The following MUC17 variants were observed in gnomAD, a reference collection of about 807,000 sequenced individuals.
MUC17 encodes the protein mucin-17.
In MUC17, 190 loss-of-function variants were observed where a neutral mutation model predicts 170.3. The observed-to-expected ratio is 1.12, with a 90% CI of 0.99 to 1.26. The LOEUF (loss-of-function observed/expected upper bound fraction) is 1.26. Ranked by LOEUF, MUC17 falls within the 50% of genes most tolerant of loss-of-function variation. The pLI is 0.00. For synonymous variants in MUC17, 2,325 were observed against 2,002.5 expected (o/e 1.16, Z -4.30); for missense variants, 6,415 against 5,530.0 (o/e 1.16, Z -5.08).
intron 4 of MUC17, among the ~76,000 whole-genome samples, chr7:101,048,525 G>A (rs964574187): frequency 6.6e-6 from 1 of 151,304 alleles, no homozygotes; most frequent in African/African-American, 2.4e-5. Context: ...GAGCCCAGGA[G>A]GTCAAGACTG....
At position 101,032,352 on chromosome 7, in the gene MUC17, C is replaced by G; in HGVS notation, c.936C>G (p.Ala312=). ...TTCCTGTGATCACTTCTACTGAAGC[C>G]AGTTCATCTCCTACAACGGCTGAAG... is the stretch of plus-strand genomic sequence containing the variant. ...TNIPVITSTE[A]SSSPTTAEGT... is the part of the protein sequence containing the mutation. The change falls in exon 3 of 13, where the codon GCC becomes GCG. Residue 312 remains alanine (A), a synonymous_variant. Coordinates refer to ENST00000306151, the MANE Select transcript of MUC17 (RefSeq NM_001040105.2). 1 of 1,613,152 alleles carries G rather than the reference C, an allele frequency of 6.2e-7. No individual in the cohort carries two copies. Among genetic ancestry groups the G allele is most frequent in the South Asian group, 1.1e-5 (1 of 91,022 alleles).
rs2116460471 is a variant in MUC17 at position 101,043,516 on chromosome 7, C to T, written c.12100C>T (p.Pro4034Ser). The change falls in exon 3 of 13, where the codon CCT (proline) becomes TCT (serine). Residue 4034 changes from proline to serine, a missense_variant. Pro to Ser is a moderately conservative substitution (Grantham distance 74). Coordinates refer to ENST00000306151, the MANE Select transcript of MUC17 (RefSeq NM_001040105.2). ...SASTLSATST[P>S]HTSTSVTTRP... ...ATCAACGCTTTCTGCAACCAGTACA[C>T]CTCACACCTCTACTTCTGTCACCAC... 1.2e-6 allele frequency: 2 copies of T among 1,614,220 alleles called. No individual in the cohort carries two copies. The highest frequency in any genetic ancestry group is 1.7e-6 in the Non-Finnish European group (2 of 1,180,040).
rs1263785572 is a variant in MUC17, at chr7:101,036,162, C to T, written c.4746C>T (p.Thr1582=). 1 of 1,613,614 alleles carries T rather than the reference C, an allele frequency of 6.2e-7. No homozygotes were observed. Among genetic ancestry groups the T allele is most frequent in the African/African-American group, 1.3e-5 (1 of 74,776 alleles). ...STPLTSLPVS[T]MLVVSSEANT... is the part of the protein sequence containing the mutation. ...CACTAACAAGTTTGCCTGTCAGCAC[C>T]ATGCTGGTGGTCAGTTCTGAGGCTA... The change falls in exon 3 of 13, where the codon ACC becomes ACT. Residue 1582 remains threonine (T), a synonymous_variant. Transcript: ENST00000306151.
chr7:101,042,594 C>T lies in MUC17; in HGVS notation c.11178C>T (p.Thr3726=), dbSNP rs150190235. The T allele has an allele frequency of 2.2e-5, 36 of 1,614,054 alleles. No individual in the cohort carries two copies. The highest frequency in any genetic ancestry group is 2.7e-5 in the Non-Finnish European group (32 of 1,180,048). ...TPSVVTSTPV[T]TSTEAISSSA... ...CTGTTGTCACCAGCACACCTGTGAC[C>T]ACTTCTACTGAAGCCATTTCATCTT... Residue 3726 remains threonine, a synonymous_variant, in exon 3 of 13, where the codon ACC becomes ACT. Coordinates refer to ENST00000306151, the MANE Select transcript of MUC17 (RefSeq NM_001040105.2).
chr7:101,033,037 C>G lies in MUC17; in HGVS notation c.1621C>G (p.Pro541Ala). The change falls in exon 3 of 13, where the codon CCT (proline) becomes GCT (alanine). Residue 541 changes from proline (P) to alanine (A), a missense_variant. Coordinates refer to ENST00000306151, the MANE Select transcript of MUC17 (RefSeq NM_001040105.2). ...AACAACTCCTGTTGACACCAGCACA[C>G]CTGTGACCACTTCTAGTGAAGCCAG... ...LSTTPVDTST[P>A]VTTSSEASSS... 1 of 1,612,912 alleles carries G rather than the reference C, an allele frequency of 6.2e-7. No homozygotes were observed. The highest frequency in any genetic ancestry group is 8.5e-7 in the Non-Finnish European group (1 of 1,179,812).
rs542041812 is a variant in MUC17 at position 101,034,611 on chromosome 7, T to A, written c.3195T>A (p.Thr1065=). Residue 1065 remains threonine (T), a synonymous_variant, in exon 3 of 13, where the codon ACT becomes ACA. Coordinates refer to ENST00000306151, the MANE Select transcript of MUC17 (RefSeq NM_001040105.2). The part of the protein sequence containing the change: ...ASSETSTLST[T]PADTSTPVTT... ...CTGAAACGAGCACACTTTCAACAAC[T>A]CCTGCTGACACCAGCACACCTGTGA... The A allele has an allele frequency of 2.0e-5, 32 of 1,607,128 alleles. 1 individual carries two copies. In the South Asian group the frequency reaches 3.4e-4, roughly 17 times the overall value.
rs763832080 is a variant in MUC17, at chr7:101,032,382, C to A, written c.966C>A (p.Thr322=). The change falls in exon 3 of 13, where the codon ACC becomes ACA. Residue 322 remains threonine (T), a synonymous_variant. Coordinates refer to ENST00000306151, the MANE Select transcript of MUC17 (RefSeq NM_001040105.2). ...ASSSPTTAEG[T]SIPTSTYTEG... is the part of the protein sequence containing the mutation. ...CATCTCCTACAACGGCTGAAGGCACCAGCATACCAACCTCAACTTATACTG... is the reference window on the plus strand; with the variant it reads ...CATCTCCTACAACGGCTGAAGGCACAAGCATACCAACCTCAACTTATACTG... The A allele has an allele frequency of 6.2e-7, 1 of 1,613,770 alleles. No homozygotes were observed. The highest frequency in any genetic ancestry group is 8.5e-7 in the Non-Finnish European group (1 of 1,179,898).
rs776505932 is a variant in MUC17 at position 101,041,143 on chromosome 7, TCA to T, written c.9728_9729del (p.Ser3243TyrfsTer5). The T allele has an allele frequency of 3.1e-5, 50 of 1,613,376 alleles. No individual in the cohort carries two copies. The highest frequency in any genetic ancestry group is 4.1e-5 in the Non-Finnish European group (48 of 1,179,848). On this transcript the variant is annotated frameshift_variant, in exon 3 of 13. Transcript: ENST00000306151. LOFTEE classifies it high-confidence loss of function. ...GGCCAGTTCTGAGGCTAGCATCCTT[TCA>T]ACAACTCCTGTTGACTCCAACACTC... Reference protein sequence around the residue: ...PVASSEASILSTTPVDSNTPL... With the variant: ...PVASSEASILXTTPVDSNTPL...
intron 12 of MUC17, among the ~76,000 whole-genome samples, chr7:101,057,195 G>T (rs1293384849): frequency 6.6e-6 from 1 of 152,190 alleles, no homozygotes; most frequent in Non-Finnish European, 1.5e-5. Context: ...TTCCCCTCAT[G>T]ATTAAGGCCG....
rs201857499 is a variant in MUC17, at chr7:101,032,266, G to T, written c.850G>T (p.Val284Leu). 1.4e-5 allele frequency: 23 copies of T among 1,612,742 alleles called. No homozygotes were observed. Among genetic ancestry groups the T allele is most frequent in the Non-Finnish European group, 1.9e-5 (23 of 1,179,504 alleles). ...TCCATTAACAAGAATGCCTCTCAGC[G>T]TGATGCTGGTGGTCAGTTCTGAGGC... ...STPLTRMPLS[V>L]MLVVSSEAST... Residue 284 changes from valine (V) to leucine (L), a missense_variant, in exon 3 of 13, where the codon GTG becomes TTG. Physicochemically the swap from Val to Leu is conservative, Grantham distance 32. Coordinates refer to ENST00000306151, the MANE Select transcript of MUC17 (RefSeq NM_001040105.2).
rs2116425341 is a variant in MUC17, at chr7:101,035,884, A to G, written c.4468A>G (p.Thr1490Ala). ...CTCTAACAGTCCTGTGGTCACTTCT[A>G]CAGCAGTCAGTTCATCTCCTACACC... ...VDSNSPVVTS[T>A]AVSSSPTPAE... is the part of the protein sequence containing the mutation. The change falls in exon 3 of 13, where the codon ACA becomes GCA. Residue 1490 changes from threonine (T) to alanine (A), a missense_variant. Coordinates refer to ENST00000306151, the MANE Select transcript of MUC17 (RefSeq NM_001040105.2). 6.2e-7 allele frequency: 1 copy of G among 1,609,568 alleles called. No homozygotes were observed. The highest frequency in any genetic ancestry group is 2.2e-5 in the East Asian group (1 of 44,662).
At chr7:101,027,110 C>T (rs1296606083) in intron 1 of MUC17, among the ~76,000 whole-genome samples, 3 of 152,236 alleles carry the variant, frequency 2.0e-5, no homozygotes, top group Non-Finnish European at 2.9e-5. Context: ...TGGAGGATCA[C>T]TTTGGACCCA....
chr7:101,034,760 G>C lies in MUC17; in HGVS notation c.3344G>C (p.Ser1115Thr). ...CCTGTCAGCACCAGGCTGGTGGTCA[G>C]TTCTGAGGCTAGCACCCTTTCCACA... ...SVPVSTRLVVSSEASTLSTTP... is the reference protein window; with the variant it reads ...SVPVSTRLVVTSEASTLSTTP... The change falls in exon 3 of 13, where the codon AGT (serine) becomes ACT (threonine). Residue 1115 changes from serine to threonine, a missense_variant. Physicochemically the swap from Ser to Thr is moderately conservative, Grantham distance 58. Transcript: ENST00000306151. 6.2e-7 allele frequency: 1 copy of C among 1,606,534 alleles called. No individual in the cohort carries two copies.
Position 101,043,562 on chromosome 7 carries a change from C to T in MUC17, c.12146C>T (p.Ser4049Leu). The T allele has an allele frequency of 6.2e-7, 1 of 1,614,208 alleles. No individual in the cohort carries two copies. The highest frequency in any genetic ancestry group is 1.3e-5 in the African/African-American group (1 of 75,040). The change falls in exon 3 of 13, where the codon TCA becomes TTA. Residue 4049 changes from serine (S) to leucine (L), a missense_variant. Physicochemically the swap from Ser to Leu is moderately radical, Grantham distance 145. Coordinates refer to ENST00000306151, the MANE Select transcript of MUC17 (RefSeq NM_001040105.2). ...SVTTRPVTPS[S>L]ESSRPSTITS... The stretch of plus-strand genomic sequence containing the variant: ...ACCACCCGTCCTGTGACCCCTTCAT[C>T]AGAATCCAGCAGGCCGTCAACAATT...
chr7:101,053,204 T>C, intron 10 of MUC17, 57 bp downstream of exon 10: 4 of 1,594,156 alleles, frequency 2.5e-6, no homozygotes, highest in Non-Finnish European at 2.6e-6. Context: ...CCTCTTCCTC[T>C]GAACCCTCTG....
In MUC17 at chr7:101,039,158, T is replaced by C; in HGVS notation, c.7742T>C (p.Val2581Ala). The C allele has an allele frequency of 3.7e-6, 6 of 1,613,968 alleles. No individual in the cohort carries two copies. The highest frequency in any genetic ancestry group is 5.1e-6 in the Non-Finnish European group (6 of 1,179,962). The change falls in exon 3 of 13, where the codon GTC becomes GCC. Residue 2581 changes from valine (V) to alanine (A), a missense_variant. Coordinates refer to ENST00000306151, the MANE Select transcript of MUC17 (RefSeq NM_001040105.2). Reference sequence around the variant, plus strand: ...AGCACTCCATTAAGAAGTATGCCTGTCAGCACCAAGCCGTTGGCCAGTTCT... The same window carrying C: ...AGCACTCCATTAAGAAGTATGCCTGCCAGCACCAAGCCGTTGGCCAGTTCT... ...EGSTPLRSMP[V>A]STKPLASSEA...
Position 101,035,444 on chromosome 7 carries a change from C to A in MUC17, c.4028C>A (p.Pro1343His), listed in dbSNP as rs139728451. The A allele has an allele frequency of 6.2e-7, 1 of 1,602,244 alleles. No individual in the cohort carries two copies. The highest frequency in any genetic ancestry group is 1.4e-5 in the African/African-American group (1 of 74,034). ...GGAAGAACTCCTTTAACAAGTATAC[C>A]TGTCAACACCACACTGGTGGCCAGT... ...SEGRTPLTSI[P>H]VNTTLVASSA... The change falls in exon 3 of 13, where the codon CCT (proline) becomes CAT (histidine). Residue 1343 changes from proline (P) to histidine (H), a missense_variant. Coordinates refer to ENST00000306151, the MANE Select transcript of MUC17 (RefSeq NM_001040105.2).
At position 101,042,458 on chromosome 7, in the gene MUC17, G is replaced by T. The variant is rs749598656; in HGVS notation, c.11042G>T (p.Gly3681Val). Reference protein sequence around the residue: ...QVSSSPVTPEGTTMPIWTPSE... With the variant: ...QVSSSPVTPEVTTMPIWTPSE... ...AGTTCATCTCCTGTGACTCCTGAAG[G>T]TACCACCATGCCAATCTGGACGCCT... is the stretch of plus-strand genomic sequence containing the variant. Residue 3681 changes from glycine (G) to valine (V), a missense_variant, in exon 3 of 13, where the codon GGT (glycine) becomes GTT (valine). Physicochemically the swap from Gly to Val is moderately radical, Grantham distance 109. Transcript: ENST00000306151. 7.4e-5 allele frequency: 120 copies of T among 1,612,064 alleles called. No individual in the cohort carries two copies. Among genetic ancestry groups the T allele is most frequent in the Non-Finnish European group, 1.6e-5 (19 of 1,179,472 alleles).
At position 101,039,575 on chromosome 7, in the gene MUC17, G is replaced by A; in HGVS notation, c.8159G>A (p.Ser2720Asn). ...STLSTTPVDTSTPVTTSAEAS... is the reference protein window; with the variant it reads ...STLSTTPVDTNTPVTTSAEAS... ...CTTTCAACAACTCCTGTTGACACCA[G>A]CACACCTGTCACCACTTCTGCTGAA... The change falls in exon 3 of 13, where the codon AGC becomes AAC. Residue 2720 changes from serine to asparagine, a missense_variant. Ser to Asn is a conservative substitution (Grantham distance 46). Transcript: ENST00000306151. 1 of 1,612,560 alleles carries A rather than the reference G, an allele frequency of 6.2e-7. No individual in the cohort carries two copies. Among genetic ancestry groups the A allele is most frequent in the Non-Finnish European group, 8.5e-7 (1 of 1,179,172 alleles).
Sources: allele counts gnomAD v4.1 joint callset (sites outside exome capture counted in the v4.1 genomes callset), GRCh38; gene constraint gnomAD v4.1.1; transcripts MANE v1.5; gene names NCBI Gene and HGNC (gene_info 2026-07-23, HGNC 2026-07-21).